The following PECAM1 variants were observed in gnomAD, a reference collection of about 807,000 sequenced individuals.
The protein encoded by PECAM1 is platelet endothelial cell adhesion molecule.
PECAM1 carries 8 observed loss-of-function variants against 13.8 expected under a neutral mutation model. The ratio of observed to expected loss-of-function variants is 0.58; its 90% CI spans 0.34 to 1.05. The LOEUF (loss-of-function observed/expected upper bound fraction) is 1.05, where lower values mean the gene tolerates loss of function less well. PECAM1 is among the 50% of genes least tolerant of loss of function. The pLI, the probability that PECAM1 is intolerant of heterozygous loss-of-function variation, is 0.03. For synonymous variants in PECAM1, 136 were observed against 52.6 expected, an observed-to-expected ratio of 2.58 and a Z score of -6.86; for missense variants, 304 against 141.2, an observed-to-expected ratio of 2.15 and a Z score of -5.84.
chr17:64,358,572 G>T (rs2143803372), intron 7 of PECAM1, among the ~76,000 whole-genome samples: 1 of 152,206 alleles, frequency 6.6e-6, no homozygotes, highest in East Asian at 1.9e-4. Context: ...GCTAGATGAA[G>T]TCTGACATAC....
At chr17:64,382,583 T>C (rs2036504294) in intron 2 of PECAM1, among the ~76,000 whole-genome samples, 1 of 152,172 alleles carries the variant, frequency 6.6e-6, no homozygotes, top group Non-Finnish European at 1.5e-5. Flanking sequence ...TCTTACTATG[T>C]TGTCCAGGCT....
intron 15 of PECAM1, among the ~76,000 whole-genome samples, chr17:64,325,917 C>T (rs2034943825): frequency 6.6e-6 from 1 of 152,198 alleles, no homozygotes; most frequent in Non-Finnish European, 1.5e-5. Context: ...ATGCAAGAAG[C>T]TGTCCCCAAG....
At chr17:64,351,909 C>G (rs1320421363) in intron 11 of PECAM1, among the ~76,000 whole-genome samples, 1 of 152,162 alleles carries the variant, frequency 6.6e-6, no homozygotes, top group Non-Finnish European at 1.5e-5. Context: ...TACTGATGAG[C>G]CTTATGAATA....
intron 7 of PECAM1, among the ~76,000 whole-genome samples, chr17:64,358,676 T>G (rs2035903399): frequency 6.6e-6 from 1 of 152,234 alleles, no homozygotes; most frequent in African/African-American, 2.4e-5. Flanking sequence ...GGTATTATGA[T>G]TCAGATGTTT....
rs558953589 is a variant in PECAM1, at chr17:64,323,216, G to A, written c.*600C>T. The stretch of plus-strand genomic sequence containing the variant: ...GTTTTGTGCGTTGCCTGAATGAACG[G>A]TGTCTTCAGGTTGGTATTTCACAGG... On this transcript the variant is annotated 3_prime_UTR_variant, in exon 16 of 16. Transcript: ENST00000563924. The A allele has an allele frequency of 7.1e-6, 7 of 988,284 alleles. 1 individual carries two copies. Among genetic ancestry groups the A allele is most frequent in the African/African-American group, 7.0e-5 (4 of 57,340 alleles). 61.2% of individuals were successfully genotyped at this position (988,284 alleles called of 1,614,324 possible).
intron 6 of PECAM1, among the ~76,000 whole-genome samples, chr17:64,361,753 CAAA>C (rs61144320): frequency 1.5e-5 from 1 of 68,134 alleles, no homozygotes; most frequent in African/African-American, 6.4e-5. Flanking sequence ...AACTCCATCT[CAAA>C]AAAAAAAAAA....
intron 4 of PECAM1, among the ~76,000 whole-genome samples, chr17:64,373,155 G>A (rs1265480367): frequency 8.1e-6 from 1 of 123,182 alleles, no homozygotes; most frequent in African/African-American, 2.9e-5. Flanking sequence ...AAAAAAAAAA[G>A]AAAATGCACA....
chr17:64,322,685 C>T lies in PECAM1; in HGVS notation c.*1131G>A, dbSNP rs782139744. 1.0e-6 allele frequency: 1 copy of T among 984,776 alleles called. No individual in the cohort carries two copies. Among genetic ancestry groups the T allele is most frequent in the Non-Finnish European group, 1.2e-6 (1 of 829,802 alleles). 61.0% of individuals were successfully genotyped at this position (984,776 alleles called of 1,614,324 possible). On this transcript the variant is annotated 3_prime_UTR_variant, in exon 16 of 16. Transcript: ENST00000563924. The stretch of plus-strand genomic sequence containing the variant: ...AGACACTGTCAGGAATGTCTTAAGA[C>T]CTCAGGAGACCACTTCTTTAGCAAG...
chr17:64,380,333 A>T (rs1206642602), intron 2 of PECAM1, among the ~76,000 whole-genome samples: 1 of 129,848 alleles, frequency 7.7e-6, no homozygotes, highest in Non-Finnish European at 1.6e-5. Context: ...CATCTAAAAA[A>T]AATTAAATAA....
At chr17:64,370,152 C>A in intron 4 of PECAM1, 127 bp from the exon 5 acceptor site, 2 of 397,288 alleles carry the variant, frequency 5.0e-6, no homozygotes, top group Non-Finnish European at 4.4e-6. Flanking sequence ...AAAAATTCAA[C>A]CTTTCTTCTC....
chr17:64,334,191 T>C lies in PECAM1; in HGVS notation c.2165-4469A>G, dbSNP rs2035206317. Among the ~76,000 whole-genome samples, 3 of 149,150 alleles carry C rather than the reference T, an allele frequency of 2.0e-5. No homozygotes were observed. The South Asian group carries it at 6.3e-4, about 31-fold the overall frequency. On this transcript the variant is annotated intron_variant, in intron 14 of 15. Coordinates refer to ENST00000563924, the MANE Select transcript of PECAM1 (RefSeq NM_000442.5). ...TGGAAAGACCAGGCAGCTCCCCCAC[T>C]GTCTGCAAGCTTTCCCATCAAACTC... is the stretch of plus-strand genomic sequence containing the variant.
At position 64,339,144 on chromosome 17, in the gene PECAM1, G is replaced by C. The variant is rs1016403711; in HGVS notation, c.2164+2490C>G. ...CTTCGCTGGAGGCCTCGAGGCAGAG[G>C]TGGTAAGGAGCTGGCCTCCTGCAGC... On this transcript the variant is annotated intron_variant, in intron 14 of 15. Coordinates refer to ENST00000563924, the MANE Select transcript of PECAM1 (RefSeq NM_000442.5). 2.1e-4 allele frequency among the ~76,000 whole-genome samples: 32 copies of C among 152,118 alleles called. 1 individual carries two copies.
rs1418605531 is a variant in PECAM1, at chr17:64,377,608, CAAAG to C, written c.385+212_385+215del. On this transcript the variant is annotated intron_variant, in intron 3 of 15. Transcript: ENST00000563924. ...ACTGGGTGACAGAGTGAGACTCCAT[CAAAG>C]AAAGAAAGGAAGGAAGGAAGGAAGG... 24 of 96,208 alleles carry C rather than the reference CAAAG, an allele frequency of 2.5e-4. 1 individual carries two copies. The highest frequency in any genetic ancestry group is 3.7e-4 in the African/African-American group (4 of 10,856). 6.0% of individuals were successfully genotyped at this position (96,208 alleles called of 1,614,324 possible).
At chr17:64,360,582 CTGTG>C (rs10589772) in intron 6 of PECAM1, among the ~76,000 whole-genome samples, 167 bp from the exon 7 acceptor site, 2,279 of 139,404 alleles carry the variant, frequency 0.016, 56 homozygotes, top group African/African-American at 0.055. Flanking sequence ...GACTGACAGG[CTGTG>C]TGTGTGTGTG....
At chr17:64,368,205 A>G (rs910999118) in intron 5 of PECAM1, among the ~76,000 whole-genome samples, 1 of 152,192 alleles carries the variant, frequency 6.6e-6, no homozygotes, top group Admixed American at 6.6e-5. Flanking sequence ...TGTGCCGGGC[A>G]CTGTTCTAGG....
At chr17:64,379,538 T>C (rs1181126264) in intron 2 of PECAM1, among the ~76,000 whole-genome samples, 5 of 152,270 alleles carry the variant, frequency 3.3e-5, no homozygotes, top group Middle Eastern at 6.8e-3. Context: ...GCAATGCCTG[T>C]AGGTGCTTCT....
chr17:64,354,465 A>T (rs1459505871), intron 9 of PECAM1, among the ~76,000 whole-genome samples: 3 of 152,022 alleles, frequency 2.0e-5, no homozygotes, highest in Admixed American at 1.3e-4. Context: ...CCACAAAAAA[A>T]TTTTTGCAGG....
At chr17:64,371,445 G>C (rs1055760186) in intron 4 of PECAM1, among the ~76,000 whole-genome samples, 1 of 152,184 alleles carries the variant, frequency 6.6e-6, no homozygotes, top group Non-Finnish European at 1.5e-5. Context: ...GCTGAGGCAG[G>C]AGAACTGCCT....
At position 64,330,417 on chromosome 17, in the gene PECAM1, C is replaced by T. The variant is rs944205512; in HGVS notation, c.2165-695G>A. Reference sequence around the variant, plus strand: ...CAACAGTTGGAGAGGCTGAGGCAGGCGGATCACCTGAGGCCAGGAGACCAG... The same window carrying T: ...CAACAGTTGGAGAGGCTGAGGCAGGTGGATCACCTGAGGCCAGGAGACCAG... On this transcript the variant is annotated intron_variant, in intron 14 of 15. Coordinates refer to ENST00000563924, the MANE Select transcript of PECAM1 (RefSeq NM_000442.5). 2.8e-4 allele frequency among the ~76,000 whole-genome samples: 43 copies of T among 151,862 alleles called. 1 individual carries two copies. The highest frequency in any genetic ancestry group is 1.3e-3 in the Admixed American group (20 of 15,210).
Sources: gnomAD v4.1 joint callset for allele counts (sites outside exome capture counted in the v4.1 genomes callset) on GRCh38, gnomAD v4.1.1 for gene constraint, MANE v1.5 for transcripts, NCBI Gene and HGNC (gene_info 2026-07-23, HGNC 2026-07-21) for gene names.